COL14A1: variants seen among roughly 807,000 people sequenced by gnomAD.
COL14A1 encodes collagen type XIV alpha 1 chain, also known as collagen alpha-1(XIV) chain.
A neutral mutation model predicts 230.3 loss-of-function variants in COL14A1; 136 were observed. The observed-to-expected ratio is 0.59, with a 90% CI of 0.51 to 0.68. The LOEUF is 0.68. Ranked by LOEUF, COL14A1 falls within the 30% of genes least tolerant of loss-of-function variation. The pLI is 0.00. For synonymous variants in COL14A1, 792 were observed against 784.1 expected (o/e 1.01, Z -0.17); for missense variants, 1,976 against 2,215.8 (o/e 0.89, Z 2.17).
intron 45 of COL14A1, among the ~76,000 whole-genome samples, chr8:120,348,564 T>C (rs919178596): frequency 1.3e-5 from 2 of 152,108 alleles, no homozygotes; most frequent in African/African-American, 2.4e-5. Context: ...GATAAAAGTC[T>C]ACAAATAGGG....
At chr8:120,363,602 T>C (rs1823305196) in intron 45 of COL14A1, among the ~76,000 whole-genome samples, 1 of 152,184 alleles carries the variant, frequency 6.6e-6, no homozygotes, top group East Asian at 1.9e-4. Flanking sequence ...TAAAAAATAA[T>C]AATAATGGAC....
chr8:120,276,391 A>C (rs1819846616), intron 26 of COL14A1, among the ~76,000 whole-genome samples: 1 of 148,988 alleles, frequency 6.7e-6, no homozygotes, highest in Non-Finnish European at 1.5e-5. Flanking sequence ...AAGGATAAAA[A>C]AACTACATAC....
At chr8:120,311,480 C>G (rs1821035465) in intron 37 of COL14A1, among the ~76,000 whole-genome samples, 1 of 152,128 alleles carries the variant, frequency 6.6e-6, no homozygotes, top group South Asian at 2.1e-4. Context: ...CCATAGGTTG[C>G]TACTGATATG....
chr8:120,366,870 G>A lies in COL14A1; in HGVS notation c.5078-301G>A, dbSNP rs567096194. Among the ~76,000 whole-genome samples the A allele has an allele frequency of 1.8e-4, 27 of 152,278 alleles. No individual in the cohort carries two copies. In the East Asian group the frequency reaches 4.4e-3, roughly 25 times the overall value. On this transcript the variant is annotated intron_variant, in intron 45 of 47. Coordinates refer to ENST00000297848, the MANE Select transcript of COL14A1 (RefSeq NM_021110.4). The stretch of plus-strand genomic sequence containing the variant: ...CTGCATAAGTCCAGTGGCCTGGTGC[G>A]TGCAAAGACAAGGACCAGTTCTTGG...
At chr8:120,314,650 C>T (rs1322468845) in intron 38 of COL14A1, among the ~76,000 whole-genome samples, 1 of 152,176 alleles carries the variant, frequency 6.6e-6, no homozygotes, top group Non-Finnish European at 1.5e-5. Flanking sequence ...CAACCAGATC[C>T]TTTTAAGCAC....
At chr8:120,301,120 G>A (rs925279791) in intron 36 of COL14A1, among the ~76,000 whole-genome samples, 5 of 151,986 alleles carry the variant, frequency 3.3e-5, no homozygotes, top group South Asian at 4.1e-4. Context: ...GTTAATTTTC[G>A]GTGTGAATAT....
chr8:120,193,277 G>C (rs10435527), intron 5 of COL14A1, among the ~76,000 whole-genome samples: 1 of 152,138 alleles, frequency 6.6e-6, no homozygotes, highest in Non-Finnish European at 1.5e-5. Context: ...CAGGACGCTC[G>C]GCTGCAGGTC....
rs192618459 is a variant in COL14A1, at chr8:120,289,791, G to A, written c.4236+25G>A. ...GGTAAGTGAATAAACCCGTGAAGCT[G>A]TGTTATTGTTAAGGGAGAGAAATTA... is the stretch of plus-strand genomic sequence containing the variant. On this transcript the variant is annotated intron_variant, in intron 34 of 47. Transcript: ENST00000297848. The A allele has an allele frequency of 3.1e-6, 5 of 1,597,438 alleles. No individual in the cohort carries two copies. In the Admixed American group the frequency reaches 8.8e-5, roughly 28 times the overall value.
At chr8:120,188,322 T>G (rs56335367) in intron 5 of COL14A1, among the ~76,000 whole-genome samples, 2,077 of 152,248 alleles carry the variant, frequency 0.014, 40 homozygotes, top group African/African-American at 0.046. Flanking sequence ...CCTCAGGTGA[T>G]CCACCCATCT....
chr8:120,371,318 C>G lies in COL14A1; in HGVS notation c.*87C>G. ...ATGTTGTTATGTGGTTTGTATGCTA[C>G]TTTTGGGGGGCAGGGCTCATTTCAG... On this transcript the variant is annotated 3_prime_UTR_variant, in exon 48 of 48. Transcript: ENST00000297848. 1.0e-6 allele frequency: 1 copy of G among 977,768 alleles called. No homozygotes were observed. Among genetic ancestry groups the G allele is most frequent in the East Asian group, 2.6e-5 (1 of 38,044 alleles). 60.6% of individuals were successfully genotyped at this position (977,768 alleles called of 1,614,324 possible).
At position 120,250,741 on chromosome 8, in the gene COL14A1, C is replaced by T. The variant is rs770884085; in HGVS notation, c.2727C>T (p.Asp909=). The T allele has an allele frequency of 1.7e-5, 28 of 1,614,168 alleles. No homozygotes were observed. The highest frequency in any genetic ancestry group is 1.3e-4 in the East Asian group (6 of 44,880). The change falls in exon 22 of 48, where the codon GAC becomes GAT. Residue 909 remains aspartate (D), a synonymous_variant. Coordinates refer to ENST00000297848, the MANE Select transcript of COL14A1 (RefSeq NM_021110.4). ...CCTCCCAGGCCTCAGGCTTCAGCGACGCCCTGACAGGCATGGTGAAAACAT... is the reference window on the plus strand; with the variant it reads ...CCTCCCAGGCCTCAGGCTTCAGCGATGCCCTGACAGGCATGGTGAAAACAT... ...IFASQASGFS[D]ALTGMVKTLF... is the part of the protein sequence containing the mutation.
intron 5 of COL14A1, among the ~76,000 whole-genome samples, chr8:120,188,495 A>T (rs1816715684): frequency 6.6e-6 from 1 of 152,190 alleles, no homozygotes; most frequent in African/African-American, 2.4e-5. Context: ...GAGAAAGGGG[A>T]TCATTTCTCC....
chr8:120,361,726 G>A (rs997155893), intron 45 of COL14A1, among the ~76,000 whole-genome samples: 4 of 152,196 alleles, frequency 2.6e-5, no homozygotes, highest in African/African-American at 9.7e-5. Flanking sequence ...AATCCTGGGA[G>A]TTCCTCAGAA....
At chr8:120,168,011 C>G in intron 4 of COL14A1, 150 bp from the exon 5 acceptor site, 1 of 476,372 alleles carries the variant, frequency 2.1e-6, no homozygotes, top group South Asian at 3.9e-5. Context: ...CAAAACAAAA[C>G]AGCAGTTCTA....
At chr8:120,309,902 C>A in intron 36 of COL14A1, 107 bp from the exon 37 acceptor site, 1 of 1,050,694 alleles carries the variant, frequency 9.5e-7, no homozygotes, top group Admixed American at 1.8e-5. Context: ...AGTGTGTTGG[C>A]CTTTACATAA....
intron 9 of COL14A1, among the ~76,000 whole-genome samples, chr8:120,206,421 G>T (rs1817434354): frequency 6.6e-6 from 1 of 152,178 alleles, no homozygotes; most frequent in Non-Finnish European, 1.5e-5. Flanking sequence ...CACGATCTCG[G>T]CTCACTGCAA....
intron 1 of COL14A1, among the ~76,000 whole-genome samples, chr8:120,144,798 ATC>A (rs1815032633): frequency 6.6e-6 from 1 of 152,182 alleles, no homozygotes; most frequent in African/African-American, 2.4e-5. Context: ...TTAAAAACGA[ATC>A]TATCAGATAA....
Position 120,255,364 on chromosome 8 carries a change from C to G in COL14A1, c.2869+8C>G. 6.3e-7 allele frequency: 1 copy of G among 1,578,360 alleles called. No homozygotes were observed. The highest frequency in any genetic ancestry group is 1.1e-5 in the South Asian group (1 of 90,318). On this transcript the variant is annotated splice_region_variant and intron_variant, in intron 23 of 47. Transcript: ENST00000297848. ...TTATAGAATCCCTCCAGGGTGAGTACAATCCATCACTTACGTTTTTGTCAA... is the reference window on the plus strand; with the variant it reads ...TTATAGAATCCCTCCAGGGTGAGTAGAATCCATCACTTACGTTTTTGTCAA...
At chr8:120,362,445 C>T (rs1823252258) in intron 45 of COL14A1, among the ~76,000 whole-genome samples, 1 of 152,172 alleles carries the variant, frequency 6.6e-6, no homozygotes, top group African/African-American at 2.4e-5. Context: ...TCATCCATTG[C>T]TTTAACAGAT....
Sources: gnomAD v4.1 joint callset for allele counts (sites outside exome capture counted in the v4.1 genomes callset) on GRCh38, gnomAD v4.1.1 for gene constraint, MANE v1.5 for transcripts, NCBI Gene and HGNC (gene_info 2026-07-23, HGNC 2026-07-21) for gene names.